LRP4: variants seen among roughly 807,000 people sequenced by gnomAD.
LRP4 encodes the protein LDL receptor related protein 4.
LRP4 carries 95 observed loss-of-function variants against 220.3 expected under a neutral mutation model. The observed-to-expected ratio is 0.43, with a 90% CI of 0.37 to 0.51. The LOEUF (loss-of-function observed/expected upper bound fraction) is 0.51, where lower values mean the gene tolerates loss of function less well. Ranked by LOEUF, LRP4 falls within the 20% of genes least tolerant of loss-of-function variation. LRP4 has a pLI of 0.00. For synonymous variants in LRP4, 903 were observed against 954.6 expected, an observed-to-expected ratio of 0.95 and a Z score of 1.00; for missense variants, 1,925 against 2,567.0, an observed-to-expected ratio of 0.75 and a Z score of 5.40.
chr11:46,898,002 G>A (rs1941577702), intron 7 of LRP4, among the ~76,000 whole-genome samples: 1 of 143,762 alleles, frequency 7.0e-6, no homozygotes, highest in South Asian at 2.2e-4. Context: ...CGGGCGGGGG[G>A]CTGACCCCCC....
At chr11:46,905,736 C>T (rs1181091391) in intron 1 of LRP4, among the ~76,000 whole-genome samples, 1 of 151,786 alleles carries the variant, frequency 6.6e-6, no homozygotes, top group East Asian at 1.9e-4. Context: ...CCTGTAATCC[C>T]AGCTACTTGG....
chr11:46,886,705 G>A (rs994260738), intron 16 of LRP4, among the ~76,000 whole-genome samples, 172 bp from the exon 17 acceptor site: 4 of 152,196 alleles, frequency 2.6e-5, no homozygotes, highest in African/African-American at 9.6e-5. Flanking sequence ...CATGCTAGCA[G>A]AATCAGACTT....
chr11:46,889,303 G>A (rs1279735928), intron 16 of LRP4, 108 bp downstream of exon 16: 8 of 1,447,230 alleles, frequency 5.5e-6, no homozygotes, highest in Non-Finnish European at 6.7e-6. Flanking sequence ...GCTCCCTGAG[G>A]AATGTGGTTT....
rs146993399 is a variant in LRP4, at chr11:46,871,605, G to A, written c.4612C>T (p.Arg1538Trp). ...RIYWVDAHLD[R>W]IESADLNGKL... ...CCATTGAGGTCAGCACTCTCGATCC[G>A]GTCCAGATGCGCATCCACCCAGTAG... The change falls in exon 31 of 38, where the codon CGG becomes TGG. Residue 1538 changes from arginine to tryptophan, a missense_variant. By Grantham distance (101) the Arg-to-Trp change is moderately radical (BLOSUM62 -3). Transcript: ENST00000378623. The A allele has an allele frequency of 1.1e-5, 17 of 1,612,428 alleles. No individual in the cohort carries two copies. Among genetic ancestry groups the A allele is most frequent in the Middle Eastern group, 1.6e-4 (1 of 6,082 alleles).
intron 1 of LRP4, 75 bp from the exon 2 acceptor site, chr11:46,903,004 G>C: frequency 2.5e-6 from 4 of 1,588,000 alleles, no homozygotes; most frequent in Non-Finnish European, 3.4e-6. Flanking sequence ...GGAAAGTAGA[G>C]GAGCCTAGTC....
At chr11:46,893,238 T>C (rs563126794) in intron 12 of LRP4, 109 bp from the exon 13 acceptor site, 2 of 997,568 alleles carry the variant, frequency 2.0e-6, no homozygotes, top group South Asian at 2.7e-5. Context: ...CCAGGCACTA[T>C]TGTCATCACT....
In LRP4 at chr11:46,873,340, T is replaced by C. The variant is rs759122757; in HGVS notation, c.4448+35A>G. 9.9e-6 allele frequency: 16 copies of C among 1,613,032 alleles called. No individual in the cohort carries two copies. Among genetic ancestry groups the C allele is most frequent in the Non-Finnish European group, 1.2e-5 (14 of 1,179,426 alleles). On this transcript the variant is annotated intron_variant, in intron 29 of 37. Transcript: ENST00000378623. The surrounding 1 kb of genome is among the most constrained non-coding windows in gnomAD (Gnocchi z 4.2). The stretch of plus-strand genomic sequence containing the variant: ...CACCATCTTTCCACCCAGCCCTTCT[T>C]CCCTGGATCTCTCTTCTGCTGGCCA...
chr11:46,883,835 G>C (rs774835134), intron 19 of LRP4, 36 bp downstream of exon 19: 66 of 1,480,662 alleles, frequency 4.5e-5, no homozygotes, highest in Middle Eastern at 1.8e-4. Context: ...CTTGGGAGGG[G>C]TGGATGGAGC....
chr11:46,868,772 G>A (rs887677367), intron 32 of LRP4, 59 bp from the exon 33 acceptor site: 11 of 1,395,388 alleles, frequency 7.9e-6, no homozygotes, highest in Admixed American at 1.7e-5. Flanking sequence ...CCAATTTAAG[G>A]CTTCTCAAAA....
In LRP4 at chr11:46,858,917, C is replaced by T. The variant is rs979848738; in HGVS notation, c.*66G>A. ...ACAGAAGCGGGGCCTGCGGTGTAAG[C>T]GAGCACAAGGACTAGACGTCCATAA... On this transcript the variant is annotated 3_prime_UTR_variant, in exon 38 of 38. Transcript: ENST00000378623. The T allele has an allele frequency of 6.7e-6, 10 of 1,483,846 alleles. No homozygotes were observed. Among genetic ancestry groups the T allele is most frequent in the Admixed American group, 5.0e-5 (3 of 59,798 alleles). 91.9% of individuals were successfully genotyped at this position (1,483,846 alleles called of 1,614,324 possible). A position where few individuals can be genotyped will look rare whatever the true frequency, so the allele number is the denominator to read the frequency against.
intron 13 of LRP4, among the ~76,000 whole-genome samples, chr11:46,891,418 T>C (rs1412175396): frequency 1.4e-5 from 2 of 141,384 alleles, no homozygotes; most frequent in African/African-American, 5.3e-5. Flanking sequence ...CCGGCTCCTT[T>C]TGTATTTTAT....
chr11:46,887,614 C>T lies in LRP4; in HGVS notation c.2216-1081G>A, dbSNP rs767768352. On this transcript the variant is annotated intron_variant, in intron 16 of 37. Transcript: ENST00000378623. The stretch of plus-strand genomic sequence containing the variant: ...TTGGGAGGCTGAGGTGGATAGATCA[C>T]GAGATCAGGAGTTTGAGACCAGCCT... Among the ~76,000 whole-genome samples, 6 of 151,940 alleles carry T rather than the reference C, an allele frequency of 3.9e-5. No homozygotes were observed. The East Asian group carries it at 5.8e-4, about 15-fold the overall frequency.
Position 46,893,072 on chromosome 11 carries a change from G to C in LRP4, c.1598C>G (p.Ser533Trp). ...DKLYWTDSGTSRIEVANLDGA... is the reference protein window; with the variant it reads ...DKLYWTDSGTWRIEVANLDGA... The stretch of plus-strand genomic sequence containing the variant: ...ATCCAGATTGGCCACCTCAATCCTC[G>C]AGGTGCCTGAGTCGGTCCAGTAGAG... The change falls in exon 13 of 38, where the codon TCG becomes TGG. Residue 533 changes from serine (S) to tryptophan (W), a missense_variant. Physicochemically the swap from Ser to Trp is radical, Grantham distance 177. Transcript: ENST00000378623. 2 of 1,614,150 alleles carry C rather than the reference G, an allele frequency of 1.2e-6. No individual in the cohort carries two copies. The highest frequency in any genetic ancestry group is 1.7e-6 in the Non-Finnish European group (2 of 1,180,016).
rs1940412824 is a variant in LRP4 at position 46,857,609 on chromosome 11, A to C, written c.*1374T>G. 6.6e-6 allele frequency: 1 copy of C among 152,180 alleles called. No homozygotes were observed. Among genetic ancestry groups the C allele is most frequent in the Non-Finnish European group, 1.5e-5 (1 of 68,058 alleles). 9.4% of individuals were successfully genotyped at this position (152,180 alleles called of 1,614,324 possible). A position where few individuals can be genotyped will look rare whatever the true frequency, so the allele number is the denominator to read the frequency against. On this transcript the variant is annotated 3_prime_UTR_variant, in exon 38 of 38. Transcript: ENST00000378623. ...GACTTTGGAGATTGCTGGTGCCACA[A>C]GGCTTGGTCAGAAAAAGCAAATTAG...
At position 46,896,354 on chromosome 11, in the gene LRP4, A is replaced by C; in HGVS notation, c.923-19T>G. On this transcript the variant is annotated intron_variant, in intron 8 of 37. Coordinates refer to ENST00000378623, the MANE Select transcript of LRP4 (RefSeq NM_002334.4). ...GGGCTTCCTAGAGAGATGGAGGGTC[A>C]GGTCATAGCAAGGCAGGGCTTGGGC... 6.2e-7 allele frequency: 1 copy of C among 1,612,328 alleles called. No individual in the cohort carries two copies. Among genetic ancestry groups the C allele is most frequent in the Non-Finnish European group, 8.5e-7 (1 of 1,179,912 alleles).
At chr11:46,910,315 T>C (rs1449376701) in intron 1 of LRP4, among the ~76,000 whole-genome samples, 1 of 152,220 alleles carries the variant, frequency 6.6e-6, no homozygotes, top group African/African-American at 2.4e-5. Flanking sequence ...TCTTTATATA[T>C]AATTTTCTCA....
intron 12 of LRP4, 59 bp downstream of exon 12, chr11:46,894,530 C>T: frequency 1.5e-6 from 2 of 1,355,570 alleles, no homozygotes; most frequent in South Asian, 2.5e-5. Context: ...CCTATTCCTC[C>T]CACCGTTGCT....
rs775757575 is a variant in LRP4 at position 46,899,022 on chromosome 11, C to A, written c.558G>T (p.Val186=). 2.5e-6 allele frequency: 4 copies of A among 1,612,686 alleles called. No individual in the cohort carries two copies. Among genetic ancestry groups the A allele is most frequent in the Non-Finnish European group, 2.5e-6 (3 of 1,179,358 alleles). The change falls in exon 6 of 38, where the codon GTG becomes GTT. Residue 186 remains valine (V), a synonymous_variant. Coordinates refer to ENST00000378623, the MANE Select transcript of LRP4 (RefSeq NM_002334.4). This position sits in a 1 kb window ranked among gnomAD's most constrained non-coding sequence, Gnocchi z 5.9. ...GSDEENCPSA[V]PAPPCNLEEF... The stretch of plus-strand genomic sequence containing the variant: ...CCTCCAGGTTGCAGGGGGGCGCTGG[C>A]ACTGCTGAGGCTGGAGGGAAGGCAG...
At position 46,875,940 on chromosome 11, in the gene LRP4, TC is replaced by T. The variant is rs764342618; in HGVS notation, c.3562del (p.Glu1188ArgfsTer5). The T allele has an allele frequency of 1.2e-6, 2 of 1,613,952 alleles. No homozygotes were observed. Among genetic ancestry groups the T allele is most frequent in the Non-Finnish European group, 8.5e-7 (1 of 1,179,986 alleles). Reference sequence around the variant, plus strand: ...TCCGGACCGCTCTAACTTGGCATTCTCCCCCCAGTCTGTCCAGTACATAAAC... The same window carrying T: ...TCCGGACCGCTCTAACTTGGCATTCTCCCCCAGTCTGTCCAGTACATAAAC... ...MGFMYWTDWG[E>X]NAKLERSGMD... On this transcript the variant is annotated frameshift_variant, in exon 26 of 38. Transcript: ENST00000378623. LOFTEE classifies it high-confidence loss of function. This position sits in a 1 kb window ranked among gnomAD's most constrained non-coding sequence, Gnocchi z 4.5.
Sources: gnomAD v4.1 joint callset for allele counts (sites outside exome capture counted in the v4.1 genomes callset) on GRCh38, gnomAD v4.1.1 for gene constraint, Gnocchi (gnomAD v3.1) non-coding constraint, MANE v1.5 for transcripts, NCBI Gene and HGNC (gene_info 2026-07-23, HGNC 2026-07-21) for gene names.